Variants in KAZN observed in about 807,000 individuals in gnomAD.
KAZN encodes the protein kazrin.
A neutral mutation model predicts 87.4 loss-of-function variants in KAZN; 40 were observed. The observed-to-expected ratio is 0.46, with a 90% confidence interval of 0.36 to 0.60. The LOEUF (loss-of-function observed/expected upper bound fraction) is 0.60. Among genes scored for constraint, KAZN ranks in the 20% least tolerant of loss-of-function variants. KAZN has a pLI of 0.00. For synonymous variants in KAZN, 466 were observed against 458.3 expected (o/e 1.02, Z -0.22); for missense variants, 898 against 1,073.9 (o/e 0.84, Z 2.29).
At chr1:15,052,751 G>A (rs575613759) in intron 4 of KAZN, among the ~76,000 whole-genome samples, 10 of 152,230 alleles carry the variant, frequency 6.6e-5, no homozygotes, top group South Asian at 6.2e-4. Context: ...GGGCAGAGTG[G>A]ACAGTTTATC....
chr1:14,154,363 T>C (rs192850774), intron 1 of KAZN, among the ~76,000 whole-genome samples: 43 of 152,384 alleles, frequency 2.8e-4, no homozygotes, highest in Non-Finnish European at 2.9e-4. Flanking sequence ...GCAGCTTTAC[T>C]GAATTTGTTT....
chr1:14,191,239 C>CT (rs1465531470), intron 2 of KAZN, among the ~76,000 whole-genome samples: 2 of 152,074 alleles, frequency 1.3e-5, no homozygotes, highest in African/African-American at 4.8e-5. Flanking sequence ...TGAGGTGAGA[C>CT]TGAGAACAGG....
chr1:14,103,290 T>C (rs1055118393), intron 1 of KAZN, among the ~76,000 whole-genome samples: 1 of 152,150 alleles, frequency 6.6e-6, no homozygotes, highest in African/African-American at 2.4e-5. Flanking sequence ...TACATCTATC[T>C]CTTCTTGAAA....
chr1:14,665,207 T>C (rs963281802), intron 1 of KAZN, among the ~76,000 whole-genome samples: 1 of 152,140 alleles, frequency 6.6e-6, no homozygotes, highest in African/African-American at 2.4e-5. Flanking sequence ...CAATGGGGTA[T>C]TCAAACAAAC....
intron 2 of KAZN, among the ~76,000 whole-genome samples, chr1:14,412,747 TATA>T (rs1224150970): frequency 6.6e-6 from 1 of 151,616 alleles, no homozygotes; most frequent in East Asian, 1.9e-4. Flanking sequence ...AGAATAGAAT[TATA>T]ATAAAATAAT....
chr1:14,911,521 C>A (rs955606909), intron 1 of KAZN, among the ~76,000 whole-genome samples: 1 of 152,180 alleles, frequency 6.6e-6, no homozygotes, highest in Non-Finnish European at 1.5e-5. Flanking sequence ...TTGGGTGGTC[C>A]CTGATGGACT....
At chr1:14,634,897 G>A (rs552287340) in intron 1 of KAZN, among the ~76,000 whole-genome samples, 13 of 152,276 alleles carry the variant, frequency 8.5e-5, no homozygotes, top group Admixed American at 1.3e-4. Flanking sequence ...AACATGTCTC[G>A]GAGGTAAATG....
intron 2 of KAZN, among the ~76,000 whole-genome samples, chr1:14,496,539 G>T (rs1669952422): frequency 6.6e-6 from 1 of 152,166 alleles, no homozygotes; most frequent in South Asian, 2.1e-4. Flanking sequence ...ATAGCTTCTT[G>T]AAAGACTTTA....
intron 1 of KAZN, among the ~76,000 whole-genome samples, chr1:14,024,905 A>G (rs998953602): frequency 6.6e-6 from 1 of 152,242 alleles, no homozygotes; most frequent in South Asian, 2.1e-4. Context: ...GCTGACATTA[A>G]TATACACCAA....
chr1:14,859,526 T>C (rs1433110147), intron 1 of KAZN, among the ~76,000 whole-genome samples: 1 of 152,192 alleles, frequency 6.6e-6, no homozygotes, highest in Non-Finnish European at 1.5e-5. Context: ...AGGGGAGGTA[T>C]AGATCTCCTT....
At chr1:13,900,412 G>T (rs1639206837) in intron 1 of KAZN, among the ~76,000 whole-genome samples, 1 of 152,150 alleles carries the variant, frequency 6.6e-6, no homozygotes, top group African/African-American at 2.4e-5. Context: ...GACTCATGCA[G>T]CTGGTGGTGC....
chr1:14,132,785 T>C (rs948719602), intron 1 of KAZN, among the ~76,000 whole-genome samples: 1 of 152,150 alleles, frequency 6.6e-6, no homozygotes, highest in Non-Finnish European at 1.5e-5. Flanking sequence ...ATAGTTAGCC[T>C]GTCTCCCTTT....
At chr1:14,483,664 A>G (rs1346124061) in intron 2 of KAZN, among the ~76,000 whole-genome samples, 3 of 152,332 alleles carry the variant, frequency 2.0e-5, no homozygotes, top group Middle Eastern at 3.4e-3. Flanking sequence ...ATAGGTTTAC[A>G]TCGGTTTTAT....
intron 1 of KAZN, among the ~76,000 whole-genome samples, chr1:14,615,349 G>T (rs1038129965): frequency 6.6e-6 from 1 of 152,200 alleles, no homozygotes; most frequent in African/African-American, 2.4e-5. Context: ...AGTGGGCCAG[G>T]CATGGTGGCG....
At chr1:14,119,907 G>A (rs1644713379) in intron 1 of KAZN, among the ~76,000 whole-genome samples, 1 of 60,024 alleles carries the variant, frequency 1.7e-5, no homozygotes, top group South Asian at 4.6e-4. Context: ...CTGTTCTAAG[G>A]GCTTTATGTG....
rs189975708 is a variant in KAZN, at chr1:14,153,101, G to A, written c.92-27334G>A. 1.2e-4 allele frequency among the ~76,000 whole-genome samples: 18 copies of A among 152,262 alleles called. No individual in the cohort carries two copies. The East Asian group carries it at 3.3e-3, about 28-fold the overall frequency. On this transcript the variant is annotated intron_variant, in intron 1 of 16. Transcript: ENST00000636203. ...TATAAAATCTAATTATGAATCCCTT[G>A]TCAGATGGGTAGTTTGTAAATATCG... is the stretch of plus-strand genomic sequence containing the variant.
chr1:14,484,584 AAAC>A (rs1669250928), intron 2 of KAZN, among the ~76,000 whole-genome samples: 1 of 152,236 alleles, frequency 6.6e-6, no homozygotes, highest in Non-Finnish European at 1.5e-5. Flanking sequence ...GCTGCATAAC[AAAC>A]AACCTCAAAA....
intron 1 of KAZN, among the ~76,000 whole-genome samples, chr1:13,916,367 C>T (rs139757485): frequency 6.2e-4 from 94 of 152,174 alleles, no homozygotes; most frequent in African/African-American, 2.1e-3. Flanking sequence ...AGTCTGTGTC[C>T]GAGACCCCTG....
At chr1:14,167,561 A>T (rs956368356) in intron 1 of KAZN, among the ~76,000 whole-genome samples, 3 of 152,152 alleles carry the variant, frequency 2.0e-5, no homozygotes, top group Non-Finnish European at 2.9e-5. Flanking sequence ...CATCTCTACT[A>T]AAAATCTAAA....
Sources: allele counts gnomAD v4.1 joint callset (sites outside exome capture counted in the v4.1 genomes callset), GRCh38; gene constraint gnomAD v4.1.1; transcripts MANE v1.5; gene names NCBI Gene and HGNC (gene_info 2026-07-23, HGNC 2026-07-21).